Variants in UBR3 observed in about 807,000 individuals in gnomAD.
The protein encoded by UBR3 is ubiquitin protein ligase E3 component n-recognin 3, also known as E3 ubiquitin-protein ligase UBR3.
A neutral mutation model predicts 243.2 loss-of-function variants in UBR3; 85 were observed. That is an observed-to-expected ratio of 0.35 (90% CI 0.29 to 0.42). The LOEUF (loss-of-function observed/expected upper bound fraction) is 0.42, where lower values mean the gene tolerates loss of function less well. Ranked by LOEUF, UBR3 falls within the 10% of genes least tolerant of loss-of-function variation. The probability of loss-of-function intolerance (pLI) is 1.00; values close to 1 mark genes in which losing one functional copy is unlikely to be tolerated. For missense variants in UBR3, 1,686 were observed against 2,300.8 expected (o/e 0.73, Z 5.47); for synonymous variants, 748 against 799.8 (o/e 0.94, Z 1.09).
chr2:170,047,222 G>A (rs370159843), intron 32 of UBR3, among the ~76,000 whole-genome samples: 2 of 151,924 alleles, frequency 1.3e-5, no homozygotes, highest in African/African-American at 4.8e-5. Context: ...TGTTGCCCAG[G>A]CTGGTCTCGA....
intron 24 of UBR3, among the ~76,000 whole-genome samples, chr2:169,980,974 G>T (rs1270564757): frequency 6.6e-6 from 1 of 151,872 alleles, no homozygotes; most frequent in African/African-American, 2.4e-5. Flanking sequence ...ATATGGGCTG[G>T]GGCTATGTCA....
intron 31 of UBR3, among the ~76,000 whole-genome samples, chr2:170,036,349 CTT>C (rs1553538349): frequency 2.6e-5 from 4 of 152,038 alleles, no homozygotes; most frequent in Non-Finnish European, 5.9e-5. Context: ...CTTTGGTTCT[CTT>C]TTCTACAGAG....
intron 11 of UBR3, among the ~76,000 whole-genome samples, chr2:169,920,519 A>G (rs771262301): frequency 1.4e-4 from 22 of 152,286 alleles, no homozygotes; most frequent in Non-Finnish European, 2.2e-4. Flanking sequence ...TCTCAGGGTT[A>G]GGGCACCTGG....
rs569019639 is a variant in UBR3 at position 169,988,137 on chromosome 2, CCTTTTTACTA to C, written c.3784+1346_3784+1355del. Among the ~76,000 whole-genome samples the C allele has an allele frequency of 2.1e-3, 321 of 152,278 alleles. 3 individuals carry two copies. Among genetic ancestry groups the C allele is most frequent in the Middle Eastern group, 6.8e-3 (2 of 294 alleles). On this transcript the variant is annotated intron_variant, in intron 25 of 38. Transcript: ENST00000272793. ...ATTAACTACTTTTACAGCTACTTTT[CCTTTTTACTA>C]CTCTTAGGAAAGCAGTTTATTAGAT...
rs764610230 is a variant in UBR3 at position 170,080,037 on chromosome 2, G to A, written c.5409+14G>A. On this transcript the variant is annotated intron_variant, in intron 37 of 38. Coordinates refer to ENST00000272793, the MANE Select transcript of UBR3 (RefSeq NM_172070.4). Reference sequence around the variant, plus strand: ...GAATGTGTACTGGTAAGCAATAGTAGATAATACAAAATTTATGAAAACACA... The same window carrying A: ...GAATGTGTACTGGTAAGCAATAGTAAATAATACAAAATTTATGAAAACACA... The A allele has an allele frequency of 6.3e-7, 1 of 1,597,658 alleles. No individual in the cohort carries two copies. Among genetic ancestry groups the A allele is most frequent in the Non-Finnish European group, 8.5e-7 (1 of 1,174,156 alleles).
intron 1 of UBR3, among the ~76,000 whole-genome samples, chr2:169,836,067 A>ATTTTTTTTTT (rs60845808): frequency 6.1e-5 from 2 of 32,666 alleles, no homozygotes; most frequent in Non-Finnish European, 1.0e-4. Context: ...ATATATATAT[A>ATTTTTTTTTT]TTTTTTTTTT....
chr2:170,013,633 A>T (rs1330116887), intron 29 of UBR3, among the ~76,000 whole-genome samples: 1 of 152,020 alleles, frequency 6.6e-6, no homozygotes. Flanking sequence ...TATGTTTGTC[A>T]TCCGTTATAT....
chr2:169,986,292 AT>A (rs1286337984), intron 24 of UBR3, among the ~76,000 whole-genome samples: 1 of 151,984 alleles, frequency 6.6e-6, no homozygotes. Flanking sequence ...CTCAAGGAAA[AT>A]TAAAACAAAC....
intron 19 of UBR3, among the ~76,000 whole-genome samples, chr2:169,934,487 C>A (rs778494017): frequency 6.6e-6 from 1 of 152,172 alleles, no homozygotes; most frequent in Non-Finnish European, 1.5e-5. Context: ...TGCTCTGCCT[C>A]GGCCTCCCAA....
Position 169,883,267 on chromosome 2 carries a change from C to T in UBR3, c.1038+4693C>T, listed in dbSNP as rs75689965. ...GGGCTGATAGTTGATGCTGACCATC[C>T]GAGAACTCAGCTGGTTGTTGATCAG... On this transcript the variant is annotated intron_variant, in intron 5 of 38. Transcript: ENST00000272793. Among the ~76,000 whole-genome samples the T allele has an allele frequency of 1.1e-4, 16 of 152,182 alleles. No homozygotes were observed. The East Asian group carries it at 2.9e-3, about 28-fold the overall frequency.
intron 1 of UBR3, among the ~76,000 whole-genome samples, chr2:169,841,675 G>A (rs1367010117): frequency 1.3e-5 from 2 of 152,322 alleles, no homozygotes; most frequent in Admixed American, 6.5e-5. Context: ...CTTAGCACCC[G>A]GGCCAGTGGC....
intron 1 of UBR3, among the ~76,000 whole-genome samples, chr2:169,853,422 T>C (rs541752254): frequency 2.0e-5 from 3 of 152,200 alleles, no homozygotes; most frequent in African/African-American, 7.2e-5. Context: ...TCTTCTTTTT[T>C]CTCTTCTTCC....
At chr2:169,831,165 A>G (rs2081930129) in intron 1 of UBR3, among the ~76,000 whole-genome samples, 2 of 68,626 alleles carry the variant, frequency 2.9e-5, no homozygotes, top group African/African-American at 5.9e-5. Flanking sequence ...TGAGAGAGAG[A>G]GTTTTGCTCT....
intron 27 of UBR3, among the ~76,000 whole-genome samples, chr2:170,002,912 G>A (rs1045228067): frequency 6.6e-6 from 1 of 152,042 alleles, no homozygotes; most frequent in Non-Finnish European, 1.5e-5. Flanking sequence ...GGAGTGCAGT[G>A]GCTCGATCAT....
intron 8 of UBR3, among the ~76,000 whole-genome samples, chr2:169,900,918 C>T (rs969816007): frequency 6.6e-5 from 10 of 152,222 alleles, no homozygotes; most frequent in Non-Finnish European, 1.0e-4. Flanking sequence ...GTTAGTCTGA[C>T]GTAGTTATTA....
At chr2:169,881,954 G>A (rs1333370636) in intron 5 of UBR3, among the ~76,000 whole-genome samples, 6 of 99,758 alleles carry the variant, frequency 6.0e-5, no homozygotes, top group Non-Finnish European at 1.3e-4. Flanking sequence ...ACATATGTAT[G>A]TATACATACA....
rs185858656 is a variant in UBR3, at chr2:169,855,847, T to A, written c.546-16389T>A. ...CCGCCATCGTCATCATGGCCCCTTC[T>A]CAGTGAGCTGTTGGGTACACCTCCC... On this transcript the variant is annotated intron_variant, in intron 1 of 38. Transcript: ENST00000272793. 7.2e-3 allele frequency among the ~76,000 whole-genome samples: 1,094 copies of A among 152,364 alleles called. 2 individuals carry two copies. The highest frequency in any genetic ancestry group is 0.026 in the South Asian group (127 of 4,830).
intron 22 of UBR3, among the ~76,000 whole-genome samples, chr2:169,948,991 A>G (rs2086899806): frequency 6.6e-6 from 1 of 151,952 alleles, no homozygotes; most frequent in Non-Finnish European, 1.5e-5. Context: ...CACAAATCAC[A>G]GTTTTAATTT....
At chr2:170,067,030 A>G (rs2091587589) in intron 35 of UBR3, among the ~76,000 whole-genome samples, 1 of 141,858 alleles carries the variant, frequency 7.0e-6, no homozygotes, top group African/African-American at 2.5e-5. Context: ...TATTATCCTC[A>G]TTTTCCAGAC....
Sources: allele counts gnomAD v4.1 joint callset (sites outside exome capture counted in the v4.1 genomes callset), GRCh38; gene constraint gnomAD v4.1.1; transcripts MANE v1.5; gene names NCBI Gene and HGNC (gene_info 2026-07-23, HGNC 2026-07-21).